CACNA2D3: variants seen among roughly 807,000 people sequenced by gnomAD.
The protein encoded by CACNA2D3 is voltage-dependent calcium channel subunit alpha-2/delta-3.
In CACNA2D3, 60 loss-of-function variants were observed where a neutral mutation model predicts 160.6. The observed-to-expected ratio is 0.37, with a 90% confidence interval of 0.30 to 0.46. The LOEUF is 0.46. Ranked by LOEUF, CACNA2D3 falls within the 20% of genes least tolerant of loss-of-function variation. The pLI is 1.00. For synonymous variants in CACNA2D3, 558 were observed against 492.9 expected (o/e 1.13, Z -1.75); for missense variants, 1,205 against 1,365.0 (o/e 0.88, Z 1.85).
intron 11 of CACNA2D3, among the ~76,000 whole-genome samples, chr3:54,741,579 G>GA (rs1000485928): frequency 9.6e-5 from 13 of 135,618 alleles, no homozygotes; most frequent in South Asian, 5.2e-4. Context: ...CCCATCTAAA[G>GA]AAAAAAAAAT....
At chr3:54,787,216 TAAG>T (rs1372293258) in intron 13 of CACNA2D3, among the ~76,000 whole-genome samples, 2 of 152,204 alleles carry the variant, frequency 1.3e-5, no homozygotes, top group African/African-American at 4.8e-5. Flanking sequence ...TAGTTATAGG[TAAG>T]AAGCTATCCA....
chr3:54,308,991 C>T (rs1361693581), intron 2 of CACNA2D3, among the ~76,000 whole-genome samples: 1 of 152,160 alleles, frequency 6.6e-6, no homozygotes, highest in Non-Finnish European at 1.5e-5. Flanking sequence ...TGTTGGTGTG[C>T]ATAAAGACAC....
At chr3:54,803,195 A>C (rs549442222) in intron 13 of CACNA2D3, among the ~76,000 whole-genome samples, 1 of 152,378 alleles carries the variant, frequency 6.6e-6, no homozygotes, top group African/African-American at 2.4e-5. Context: ...CAGCAACGGA[A>C]CAAAGCTGGA....
intron 2 of CACNA2D3, among the ~76,000 whole-genome samples, chr3:54,152,110 T>C (rs1298275718): frequency 1.3e-5 from 2 of 152,212 alleles, no homozygotes; most frequent in Non-Finnish European, 2.9e-5. Context: ...TTGACTTGTG[T>C]TTGGTTATCT....
intron 2 of CACNA2D3, among the ~76,000 whole-genome samples, chr3:54,287,721 A>G (rs900324278): frequency 6.8e-6 from 1 of 146,506 alleles, no homozygotes; most frequent in African/African-American, 2.5e-5. Flanking sequence ...ATTATAACAA[A>G]CTATCTCTCA....
intron 9 of CACNA2D3, among the ~76,000 whole-genome samples, chr3:54,612,385 T>C (rs2106790624): frequency 6.6e-6 from 1 of 152,284 alleles, no homozygotes; most frequent in Non-Finnish European, 1.5e-5. Context: ...ATAGTCTACC[T>C]GGAATCAGAA....
chr3:55,040,541 G>A (rs748291423), intron 35 of CACNA2D3, among the ~76,000 whole-genome samples: 2 of 151,986 alleles, frequency 1.3e-5, no homozygotes, highest in African/African-American at 4.8e-5. Flanking sequence ...CATTTAAAGC[G>A]GAGTACAATG....
intron 14 of CACNA2D3, among the ~76,000 whole-genome samples, chr3:54,828,560 A>G (rs1347939276): frequency 6.6e-6 from 1 of 152,240 alleles, no homozygotes. Context: ...CAGAATATCA[A>G]AATGTTCCCG....
chr3:54,977,292 G>A (rs6792709), intron 29 of CACNA2D3, among the ~76,000 whole-genome samples: 8,191 of 152,150 alleles, frequency 0.054, 760 homozygotes, highest in African/African-American at 0.19. Context: ...ATTTGTAGCA[G>A]GTATTTTTTC....
intron 4 of CACNA2D3, among the ~76,000 whole-genome samples, chr3:54,401,400 A>G (rs1699461350): frequency 1.3e-5 from 2 of 152,232 alleles, no homozygotes; most frequent in East Asian, 1.9e-4. Flanking sequence ...GTGAAACTCA[A>G]AAGTCCCCAA....
intron 11 of CACNA2D3, among the ~76,000 whole-genome samples, chr3:54,658,268 C>A (rs1214998517): frequency 6.6e-6 from 1 of 152,328 alleles, no homozygotes; most frequent in Non-Finnish European, 1.5e-5. Context: ...ATACTGTTTT[C>A]ATAATGGCTG....
At chr3:54,999,182 C>T (rs761999861) in intron 31 of CACNA2D3, among the ~76,000 whole-genome samples, 10 of 152,150 alleles carry the variant, frequency 6.6e-5, no homozygotes, top group Non-Finnish European at 1.3e-4. Context: ...CAAGAAGTTG[C>T]TGTGGGATGA....
At chr3:54,191,957 G>T (rs967327221) in intron 2 of CACNA2D3, among the ~76,000 whole-genome samples, 3 of 152,158 alleles carry the variant, frequency 2.0e-5, no homozygotes, top group African/African-American at 7.2e-5. Flanking sequence ...GGATTCTGAG[G>T]ATGCATTGGC....
At chr3:54,908,669 A>T (rs952810632) in intron 27 of CACNA2D3, among the ~76,000 whole-genome samples, 1 of 152,224 alleles carries the variant, frequency 6.6e-6, no homozygotes, top group African/African-American at 2.4e-5. Flanking sequence ...GTGAGCCGAG[A>T]TCATGCCATT....
chr3:54,688,342 C>T (rs1467428761), intron 11 of CACNA2D3, among the ~76,000 whole-genome samples: 1 of 152,004 alleles, frequency 6.6e-6, no homozygotes, highest in Non-Finnish European at 1.5e-5. Context: ...TTCCTTGTCT[C>T]CATACTCATT....
intron 13 of CACNA2D3, among the ~76,000 whole-genome samples, chr3:54,795,957 A>G (rs1165821611): frequency 2.6e-5 from 4 of 152,148 alleles, no homozygotes; most frequent in Non-Finnish European, 4.4e-5. Flanking sequence ...AGATTGCCAA[A>G]CCCCAGACTT....
At chr3:54,850,699 C>CA (rs1448042932) in intron 17 of CACNA2D3, among the ~76,000 whole-genome samples, 2 of 152,282 alleles carry the variant, frequency 1.3e-5, no homozygotes, top group East Asian at 3.9e-4. Flanking sequence ...TCAGCAGCTG[C>CA]AGCAATGGCA....
At chr3:54,737,567 A>G (rs945141521) in intron 11 of CACNA2D3, among the ~76,000 whole-genome samples, 1 of 152,072 alleles carries the variant, frequency 6.6e-6, no homozygotes, top group Admixed American at 6.6e-5. Context: ...TAGGGGGGCA[A>G]GTGGAGGTGA....
chr3:54,227,510 A>G (rs1341629114), intron 2 of CACNA2D3, among the ~76,000 whole-genome samples: 1 of 136,444 alleles, frequency 7.3e-6, no homozygotes, highest in African/African-American at 2.8e-5. Context: ...AAATTTTGCA[A>G]GGGGACAAGA....
Sources: gnomAD v4.1 joint callset for allele counts (sites outside exome capture counted in the v4.1 genomes callset) on GRCh38, gnomAD v4.1.1 for gene constraint, MANE v1.5 for transcripts, NCBI Gene and HGNC (gene_info 2026-07-23, HGNC 2026-07-21) for gene names.